The following TMEM165 variants were observed in gnomAD, a reference collection of about 807,000 sequenced individuals.
The protein encoded by TMEM165 is transmembrane protein 165.
A neutral mutation model predicts 30.0 loss-of-function variants in TMEM165; 19 were observed. That is an observed-to-expected ratio of 0.63 (90% CI 0.44 to 0.93). The LOEUF (loss-of-function observed/expected upper bound fraction) is 0.93. Ranked by LOEUF, TMEM165 falls within the 40% of genes least tolerant of loss-of-function variation. TMEM165 has a pLI of 0.00. For synonymous variants in TMEM165, 168 were observed against 162.9 expected (o/e 1.03, Z -0.24); for missense variants, 340 against 417.0 (o/e 0.82, Z 1.61).
rs1722166703 is a variant in TMEM165, at chr4:55,425,687, A to C, written c.*235A>C. ...TTCTTCTCTCCAACATAATTATGTTAATATGGTCCTCATTTTTCTTTTGGT... is the reference window on the plus strand; with the variant it reads ...TTCTTCTCTCCAACATAATTATGTTCATATGGTCCTCATTTTTCTTTTGGT... On this transcript the variant is annotated 3_prime_UTR_variant, in exon 6 of 6. Coordinates refer to ENST00000381334, the MANE Select transcript of TMEM165 (RefSeq NM_018475.5). 2.5e-6 allele frequency: 1 copy of C among 406,534 alleles called. No individual in the cohort carries two copies. The highest frequency in any genetic ancestry group is 2.1e-5 in the African/African-American group (1 of 48,492). 25.2% of individuals were successfully genotyped at this position (406,534 alleles called of 1,614,324 possible). A position where few individuals can be genotyped will look rare whatever the true frequency, so the allele number is the denominator to read the frequency against.
intron 3 of TMEM165, chr4:55,448,752 G>C (rs369052782): frequency 3.2e-6 from 5 of 1,554,252 alleles, no homozygotes; most frequent in Non-Finnish European, 4.4e-6. Flanking sequence ...ATTCAAATAC[G>C]CAACTGAAAC....
At chr4:55,422,838 A>G (rs957437486) in intron 4 of TMEM165, among the ~76,000 whole-genome samples, 2 of 151,782 alleles carry the variant, frequency 1.3e-5, no homozygotes, top group Non-Finnish European at 2.9e-5. Context: ...TTTAGTAGAG[A>G]CAGCATTTCA....
At chr4:55,400,296 A>AATATAATATTAT (rs1176552286) in intron 1 of TMEM165, among the ~76,000 whole-genome samples, 1 of 103,600 alleles carries the variant, frequency 9.7e-6, no homozygotes, top group African/African-American at 4.5e-5. Context: ...TATTATATAT[A>AATATAATATTAT]ATATTATATA....
intron 3 of TMEM165, chr4:55,434,311 G>C (rs1421823742): frequency 6.6e-6 from 1 of 152,520 alleles, no homozygotes; most frequent in East Asian, 1.9e-4. Context: ...AATCCCAAAA[G>C]TTAAAATTCC....
intron 1 of TMEM165, among the ~76,000 whole-genome samples, chr4:55,402,795 CTTTTTT>C (rs71194554): frequency 8.4e-5 from 6 of 71,400 alleles, no homozygotes; most frequent in Non-Finnish European, 9.7e-5. Context: ...TTAAAAAAAG[CTTTTTT>C]TTTTTTTTGA....
chr4:55,436,245 G>A (rs534982510), intron 3 of TMEM165, among the ~76,000 whole-genome samples: 84 of 152,208 alleles, frequency 5.5e-4, no homozygotes, highest in African/African-American at 2.0e-3. Flanking sequence ...GCAGCCTTAG[G>A]TCCGATAAGC....
intron 3 of TMEM165, among the ~76,000 whole-genome samples, chr4:55,447,868 T>C (rs998824510): frequency 6.6e-6 from 1 of 152,172 alleles, no homozygotes. Flanking sequence ...AACAGAAAAG[T>C]TGAAGAAAAA....
chr4:55,438,196 T>C, intron 3 of TMEM165: 1 of 1,471,758 alleles, frequency 6.8e-7, no homozygotes, highest in Non-Finnish European at 9.5e-7. Context: ...ATTTTTCACA[T>C]CACTCACAAA....
intron 3 of TMEM165, chr4:55,449,362 C>T: frequency 2.6e-6 from 4 of 1,533,562 alleles, no homozygotes; most frequent in Non-Finnish European, 2.7e-6. Flanking sequence ...CTTAATAAAT[C>T]TTTATTCAGA....
chr4:55,406,416 G>T (rs1721270072), intron 1 of TMEM165, among the ~76,000 whole-genome samples: 1 of 152,114 alleles, frequency 6.6e-6, no homozygotes, highest in African/African-American at 2.4e-5. Flanking sequence ...AGTCATTCTG[G>T]TTCCTTTCCT....
intron 1 of TMEM165, among the ~76,000 whole-genome samples, chr4:55,402,611 C>T (rs1448298122): frequency 2.1e-5 from 3 of 143,412 alleles, no homozygotes; most frequent in Non-Finnish European, 3.0e-5. Context: ...CCACGCCCAG[C>T]TGATTTTTGT....
intron 3 of TMEM165, chr4:55,442,230 A>G (rs1254532056): frequency 5.2e-6 from 3 of 574,176 alleles, no homozygotes; most frequent in African/African-American, 1.9e-5. Flanking sequence ...TTGGACAAGA[A>G]AAAAAATTTG....
chr4:55,434,227 C>T lies in TMEM165; in HGVS notation c.408+9584C>T, dbSNP rs187961047. Reference sequence around the variant, plus strand: ...TCAAGGCACTATGGGGTTTTTTCCCCTCAAATAACCCTGAATCATTTCTGA... The same window carrying T: ...TCAAGGCACTATGGGGTTTTTTCCCTTCAAATAACCCTGAATCATTTCTGA... On this transcript the variant is annotated intron_variant, in intron 3 of 3. Coordinates refer to the TMEM165 transcript ENST00000608091. The T allele has an allele frequency of 6.6e-5, 10 of 152,642 alleles. No homozygotes were observed. The East Asian group carries it at 1.9e-3, about 30-fold the overall frequency. The allele number at this position is 152,642 out of a possible 1,614,324, so 9.5% of individuals were successfully genotyped here. A position where few individuals can be genotyped will look rare whatever the true frequency, so the allele number is the denominator to read the frequency against.
chr4:55,413,640 A>G (rs1213439493), intron 2 of TMEM165, among the ~76,000 whole-genome samples: 1 of 152,238 alleles, frequency 6.6e-6, no homozygotes, highest in Non-Finnish European at 1.5e-5. Flanking sequence ...TACAATTTTT[A>G]AACATTTTAT....
At chr4:55,408,506 A>G (rs80051488) in intron 1 of TMEM165, among the ~76,000 whole-genome samples, 5,121 of 152,254 alleles carry the variant, frequency 0.034, 280 homozygotes, top group African/African-American at 0.12. Flanking sequence ...CATTTTATAT[A>G]TATAAAAAAA....
chr4:55,447,419 A>G (rs916469139), intron 3 of TMEM165, among the ~76,000 whole-genome samples: 1 of 152,246 alleles, frequency 6.6e-6, no homozygotes, highest in Non-Finnish European at 1.5e-5. Flanking sequence ...TATTATAACT[A>G]AAGTTATTTG....
intron 3 of TMEM165, among the ~76,000 whole-genome samples, chr4:55,440,033 T>C (rs1054401287): frequency 6.6e-6 from 1 of 151,232 alleles, no homozygotes; most frequent in African/African-American, 2.4e-5. Flanking sequence ...TTTTAATCTA[T>C]AAAAAAAAAC....
intron 4 of TMEM165, among the ~76,000 whole-genome samples, chr4:55,420,106 A>AAAAAAAAAAAAAAAAT (rs1474254120): frequency 2.2e-5 from 1 of 45,438 alleles, no homozygotes; most frequent in Non-Finnish European, 4.1e-5. Context: ...AAGAAAAAAA[A>AAAAAAAAAAAAAAAAT]ATATATATAT....
chr4:55,403,383 A>T, intron 1 of TMEM165: 1 of 944,530 alleles, frequency 1.1e-6, no homozygotes, highest in Non-Finnish European at 1.3e-6. Flanking sequence ...GTTTATTTGA[A>T]CTCTAGAACT....
Sources: gnomAD v4.1 joint callset for allele counts (sites outside exome capture counted in the v4.1 genomes callset) on GRCh38, gnomAD v4.1.1 for gene constraint, MANE v1.5 for transcripts, NCBI Gene and HGNC (gene_info 2026-07-23, HGNC 2026-07-21) for gene names.